The following COL19A1 variants were observed in gnomAD, a reference collection of about 807,000 sequenced individuals.
COL19A1 encodes the protein collagen alpha-1(XIX) chain.
COL19A1 carries 159 observed loss-of-function variants against 190.2 expected under a neutral mutation model. That is an observed-to-expected ratio of 0.84 (90% CI 0.73 to 0.95). The LOEUF is 0.95. Among genes scored for constraint, COL19A1 ranks in the 40% least tolerant of loss-of-function variants. The pLI, the probability that COL19A1 is intolerant of heterozygous loss-of-function variation, is 0.00. For synonymous variants in COL19A1, 509 were observed against 458.9 expected, an observed-to-expected ratio of 1.11 and a Z score of -1.39; for missense variants, 1,418 against 1,431.9, an observed-to-expected ratio of 0.99 and a Z score of 0.16.
At chr6:70,109,945 TA>T (rs1302439632) in intron 16 of COL19A1, among the ~76,000 whole-genome samples, 1 of 152,204 alleles carries the variant, frequency 6.6e-6, no homozygotes, top group Non-Finnish European at 1.5e-5. Flanking sequence ...GCCATAGAAC[TA>T]AGTGCCTTCC....
intron 4 of COL19A1, among the ~76,000 whole-genome samples, chr6:69,905,003 C>A (rs1341689737): frequency 6.6e-6 from 1 of 152,194 alleles, no homozygotes; most frequent in Non-Finnish European, 1.5e-5. Context: ...TCTCCACACT[C>A]ACAGGAGACC....
intron 4 of COL19A1, among the ~76,000 whole-genome samples, chr6:69,905,354 C>T (rs1770479325): frequency 1.3e-5 from 2 of 152,170 alleles, no homozygotes; most frequent in Non-Finnish European, 2.9e-5. Context: ...ACTGTTCGCT[C>T]TGTCTTGGCT....
chr6:70,081,522 C>T (rs1265449412), intron 15 of COL19A1, among the ~76,000 whole-genome samples: 5 of 152,054 alleles, frequency 3.3e-5, no homozygotes, highest in African/African-American at 1.2e-4. Flanking sequence ...AGCAGTTACA[C>T]AAATTAAAGT....
chr6:69,904,255 G>T (rs765689101), intron 4 of COL19A1, among the ~76,000 whole-genome samples: 3 of 152,132 alleles, frequency 2.0e-5, no homozygotes, highest in Non-Finnish European at 4.4e-5. Context: ...GTATATGATC[G>T]CCATTTACTC....
chr6:70,155,743 G>A (rs1301740063), intron 31 of COL19A1, among the ~76,000 whole-genome samples: 1 of 152,090 alleles, frequency 6.6e-6, no homozygotes, highest in East Asian at 1.9e-4. Flanking sequence ...TTTGAATTCT[G>A]TAATCTTGCT....
intron 9 of COL19A1, among the ~76,000 whole-genome samples, chr6:69,943,913 G>C (rs967021747): frequency 6.6e-6 from 1 of 152,078 alleles, no homozygotes. Flanking sequence ...TCCCACCTGA[G>C]CCAAAACCCA....
intron 15 of COL19A1, among the ~76,000 whole-genome samples, chr6:70,078,134 G>A (rs754466625): frequency 3.9e-5 from 6 of 152,204 alleles, no homozygotes; most frequent in South Asian, 2.1e-4. Context: ...AAGAGCTAAT[G>A]AATAGAGAGT....
At position 69,905,610 on chromosome 6, in the gene COL19A1, A is replaced by G. The variant is rs1017996746; in HGVS notation, c.266+5272A>G. 2.0e-4 allele frequency among the ~76,000 whole-genome samples: 31 copies of G among 152,236 alleles called. 1 individual carries two copies. Among genetic ancestry groups the G allele is most frequent in the Admixed American group, 1.8e-3 (27 of 15,290 alleles). ...CGTAGGGCCAAGGGATGGCCTTCCC[A>G]TGTTATGGCTACATGGTTTTGATAA... On this transcript the variant is annotated intron_variant, in intron 4 of 50. Transcript: ENST00000620364.
At chr6:70,060,927 A>C (rs575574817) in intron 14 of COL19A1, among the ~76,000 whole-genome samples, 1 of 152,272 alleles carries the variant, frequency 6.6e-6, no homozygotes, top group Admixed American at 6.5e-5. Context: ...GTCAACTAAA[A>C]GGATAAATGA....
At chr6:69,869,590 G>T (rs1193601335) in intron 1 of COL19A1, among the ~76,000 whole-genome samples, 1 of 152,024 alleles carries the variant, frequency 6.6e-6, no homozygotes, top group East Asian at 1.9e-4. Context: ...TTGAAAATAC[G>T]GCCATATATT....
rs113737055 is a variant in COL19A1, at chr6:69,890,108, A to T, written c.92-8840A>T. ...TTAAGAGCTGTAACACTCACTGTGAAGGTCTGCAGCTTCATTCTTGAAGTC... is the reference window on the plus strand; with the variant it reads ...TTAAGAGCTGTAACACTCACTGTGATGGTCTGCAGCTTCATTCTTGAAGTC... On this transcript the variant is annotated intron_variant, in intron 2 of 50. Coordinates refer to ENST00000620364, the MANE Select transcript of COL19A1 (RefSeq NM_001858.6). The T allele has an allele frequency of 5.5e-3, 852 of 154,738 alleles. 10 individuals are homozygous for T. The highest frequency in any genetic ancestry group is 0.017 in the African/African-American group (710 of 41,626). 9.6% of individuals were successfully genotyped at this position (154,738 alleles called of 1,614,324 possible).
Position 70,058,219 on chromosome 6 carries a change from C to T in COL19A1, c.1171-10204C>T, listed in dbSNP as rs192808058. 8.5e-4 allele frequency among the ~76,000 whole-genome samples: 129 copies of T among 152,120 alleles called. 1 individual carries two copies. Among genetic ancestry groups the T allele is most frequent in the Non-Finnish European group, 1.7e-3 (113 of 67,886 alleles). ...AAAAGATTATGATTAAAATATATTC[C>T]TGCAACCACATGGAACGATCATATT... On this transcript the variant is annotated intron_variant, in intron 14 of 50. Coordinates refer to ENST00000620364, the MANE Select transcript of COL19A1 (RefSeq NM_001858.6).
At chr6:70,068,962 T>C (rs1451169119) in intron 15 of COL19A1, among the ~76,000 whole-genome samples, 1 of 152,126 alleles carries the variant, frequency 6.6e-6, no homozygotes, top group Non-Finnish European at 1.5e-5. Flanking sequence ...AGTAGAGCAA[T>C]AACCTCCTAT....
chr6:70,102,242 ACTGTCCCTTTAAAGAGT>A lies in COL19A1; in HGVS notation c.1278+26_1278+42del. 1 of 1,564,608 alleles carries A rather than the reference ACTGTCCCTTTAAAGAGT, an allele frequency of 6.4e-7. No individual in the cohort carries two copies. Among genetic ancestry groups the A allele is most frequent in the South Asian group, 1.1e-5 (1 of 90,158 alleles). ...CCACCTGTGAGTAAACAATACAATG[ACTGTCCCTTTAAAGAGT>A]CTGTCTTTATGTCTGTGTGTTTACC... is the stretch of plus-strand genomic sequence containing the variant. On this transcript the variant is annotated intron_variant, in intron 16 of 50. Coordinates refer to ENST00000620364, the MANE Select transcript of COL19A1 (RefSeq NM_001858.6).
intron 18 of COL19A1, among the ~76,000 whole-genome samples, chr6:70,132,019 A>T (rs2150224650): frequency 6.6e-6 from 1 of 152,300 alleles, no homozygotes; most frequent in Middle Eastern, 3.4e-3. Context: ...GTCTACAGGG[A>T]ACTTGATGCA....
intron 31 of COL19A1, among the ~76,000 whole-genome samples, chr6:70,155,326 C>T (rs927042522): frequency 1.3e-5 from 2 of 152,134 alleles, no homozygotes; most frequent in South Asian, 2.1e-4. Context: ...ACTATCTCCC[C>T]CACTCAGTGG....
At chr6:70,134,316 T>A (rs1425300522) in intron 18 of COL19A1, among the ~76,000 whole-genome samples, 2 of 152,150 alleles carry the variant, frequency 1.3e-5, no homozygotes, top group Non-Finnish European at 1.5e-5. Context: ...TGGCTTCTCT[T>A]ATAATGTGGT....
At chr6:70,172,125 A>G in intron 41 of COL19A1, 108 bp downstream of exon 41, 1 of 867,624 alleles carries the variant, frequency 1.2e-6, no homozygotes, top group Non-Finnish European at 1.8e-6. Context: ...TAAAGGAACA[A>G]AACAGACAAA....
chr6:69,892,426 G>A (rs1769414850), intron 2 of COL19A1, among the ~76,000 whole-genome samples: 1 of 152,170 alleles, frequency 6.6e-6, no homozygotes. Context: ...TCTCTCTCCA[G>A]TCCTCATTTT....
Sources: gnomAD v4.1 joint callset for allele counts (sites outside exome capture counted in the v4.1 genomes callset) on GRCh38, gnomAD v4.1.1 for gene constraint, MANE v1.5 for transcripts, NCBI Gene and HGNC (gene_info 2026-07-23, HGNC 2026-07-21) for gene names.